WDR37: variants seen among roughly 807,000 people sequenced by gnomAD.
The protein encoded by WDR37 is WD repeat domain 37, also known as WD repeat-containing protein 37.
WDR37 carries 19 observed loss-of-function variants against 62.9 expected under a neutral mutation model. That is an observed-to-expected ratio of 0.30 (90% CI 0.21 to 0.44). WDR37 has a LOEUF of 0.44. Among genes scored for constraint, WDR37 ranks in the 20% least tolerant of loss-of-function variants. WDR37 has a pLI of 1.00. For synonymous variants in WDR37, 250 were observed against 260.9 expected (o/e 0.96, Z 0.40); for missense variants, 474 against 657.6 (o/e 0.72, Z 3.05).
intron 11 of WDR37, among the ~76,000 whole-genome samples, chr10:1,117,508 G>A (rs113777799): frequency 0.022 from 3,309 of 152,332 alleles, 74 homozygotes; most frequent in Middle Eastern, 0.044. Context: ...AAATGATTGC[G>A]TTTGAATCGC....
chr10:1,115,135 C>T (rs1835349064), intron 11 of WDR37, among the ~76,000 whole-genome samples: 2 of 151,942 alleles, frequency 1.3e-5, no homozygotes, highest in Non-Finnish European at 2.9e-5. Context: ...GTGGCTCTGC[C>T]TTGTGCCGGG....
chr10:1,069,389 A>ATTTTTTTT (rs377212232), intron 1 of WDR37, among the ~76,000 whole-genome samples: 1 of 95,776 alleles, frequency 1.0e-5, no homozygotes, highest in Non-Finnish European at 1.9e-5. Flanking sequence ...ATATATATAT[A>ATTTTTTTT]TTTTTTTTTT....
At chr10:1,127,559 T>C (rs546568791) in intron 13 of WDR37, among the ~76,000 whole-genome samples, 1 of 152,326 alleles carries the variant, frequency 6.6e-6, no homozygotes, top group Non-Finnish European at 1.5e-5. Flanking sequence ...AAGGGACTGA[T>C]TGAAAATATT....
At position 1,131,167 on chromosome 10, in the gene WDR37, T is replaced by C. The variant is rs1236343091; in HGVS notation, c.*1823T>C. 1 of 152,376 alleles carries C rather than the reference T, an allele frequency of 6.6e-6. No homozygotes were observed. The highest frequency in any genetic ancestry group is 2.4e-5 in the African/African-American group (1 of 41,436). 9.4% of individuals were successfully genotyped at this position (152,376 alleles called of 1,614,324 possible). On this transcript the variant is annotated 3_prime_UTR_variant, in exon 14 of 14. Transcript: ENST00000263150. ...GATGCAGGGCTGTGCTGTGTCCAGA[T>C]GTTGCTGGGGCCTCACTTTTTCTCT...
At position 1,113,950 on chromosome 10, in the gene WDR37, C is replaced by CTTTTTTTTT. The variant is rs56654628; in HGVS notation, c.1103+8698_1103+8706dup. On this transcript the variant is annotated intron_variant, in intron 11 of 13. Coordinates refer to ENST00000263150, the MANE Select transcript of WDR37 (RefSeq NM_014023.4). Reference sequence around the variant, plus strand: ...TGAGGTTCAATTGTGGGTAAAATGCCTTTTTTTTTTTTTTTTTTTTTTTAA... The same window carrying CTTTTTTTTT: ...TGAGGTTCAATTGTGGGTAAAATGCCTTTTTTTTTTTTTTTTTTTTTTTTTTTTTTTTAA... Among the ~76,000 whole-genome samples, 51 of 76,196 alleles carry CTTTTTTTTT rather than the reference C, an allele frequency of 6.7e-4. 9 individuals carry two copies. Among genetic ancestry groups the CTTTTTTTTT allele is most frequent in the East Asian group, 9.6e-4 (2 of 2,078 alleles). 50.0% of individuals were successfully genotyped at this position (76,196 alleles called of 152,430 possible). A position where few individuals can be genotyped will look rare whatever the true frequency, so the allele number is the denominator to read the frequency against.
chr10:1,088,830 T>C (rs948120553), intron 7 of WDR37, among the ~76,000 whole-genome samples: 1 of 152,160 alleles, frequency 6.6e-6, no homozygotes. Context: ...AACCCTCAAT[T>C]TGTAAAAAAT....
At chr10:1,112,507 C>A (rs1835249062) in intron 11 of WDR37, among the ~76,000 whole-genome samples, 1 of 152,194 alleles carries the variant, frequency 6.6e-6, no homozygotes, top group Non-Finnish European at 1.5e-5. Flanking sequence ...GTGTCCCTCA[C>A]TTGAAAGCTG....
At chr10:1,124,656 C>CTG (rs1835682403) in intron 12 of WDR37, among the ~76,000 whole-genome samples, 1 of 58,334 alleles carries the variant, frequency 1.7e-5, no homozygotes, top group African/African-American at 6.0e-5. Flanking sequence ...TACCATTGAG[C>CTG]AGTGTGTGTG....
rs150036614 is a variant in WDR37 at position 1,072,466 on chromosome 10, C to T, written c.138+173C>T. On this transcript the variant is annotated intron_variant, in intron 2 of 13. Transcript: ENST00000263150. ...AGTAGCTGGGATTAGAGGCATGTGC[C>T]ACCATGCCCGGCTGATTTTGTATTT... Among the ~76,000 whole-genome samples the T allele has an allele frequency of 4.9e-4, 75 of 152,294 alleles. No individual in the cohort carries two copies. The East Asian group carries it at 0.012, about 24-fold the overall frequency.
chr10:1,084,556 C>T lies in WDR37; in HGVS notation c.532+18C>T. The stretch of plus-strand genomic sequence containing the variant: ...ATCAGCCGGTGAGTCGCACACGGAC[C>T]TGGCCAGCCTGCGGAAGCATGGCTG... On this transcript the variant is annotated intron_variant, in intron 6 of 13. Transcript: ENST00000263150. 3 of 1,607,168 alleles carry T rather than the reference C, an allele frequency of 1.9e-6. No individual in the cohort carries two copies. Among genetic ancestry groups the T allele is most frequent in the African/African-American group, 1.3e-5 (1 of 74,746 alleles).
At chr10:1,065,547 A>G (rs191346392) in intron 1 of WDR37, among the ~76,000 whole-genome samples, 37 of 152,266 alleles carry the variant, frequency 2.4e-4, no homozygotes, top group African/African-American at 7.0e-4. Flanking sequence ...GGTTGGATCA[A>G]TGTTTGAAAG....
At chr10:1,095,763 C>G (rs996679771) in intron 8 of WDR37, among the ~76,000 whole-genome samples, 1 of 152,168 alleles carries the variant, frequency 6.6e-6, no homozygotes, top group Non-Finnish European at 1.5e-5. Context: ...CATTGAAAGG[C>G]CGCGTGTGTG....
At chr10:1,111,379 A>G (rs1259874671) in intron 11 of WDR37, among the ~76,000 whole-genome samples, 1 of 152,052 alleles carries the variant, frequency 6.6e-6, no homozygotes, top group Non-Finnish European at 1.5e-5. Context: ...TCCAGGAGAG[A>G]TTTTTCCCCA....
chr10:1,116,775 G>A (rs1174448667), intron 11 of WDR37, among the ~76,000 whole-genome samples: 2 of 152,148 alleles, frequency 1.3e-5, no homozygotes, highest in African/African-American at 4.8e-5. Context: ...GTTCAGGGGT[G>A]GTCTTGGGTG....
intron 2 of WDR37, chr10:1,074,279 G>A (rs773493087): frequency 3.9e-5 from 46 of 1,171,242 alleles, no homozygotes; most frequent in Non-Finnish European, 4.8e-5. Flanking sequence ...TCTCCTGCCT[G>A]GGGTGAAAGT....
At chr10:1,107,997 G>T (rs563987351) in intron 11 of WDR37, among the ~76,000 whole-genome samples, 9 of 152,304 alleles carry the variant, frequency 5.9e-5, no homozygotes, top group African/African-American at 1.7e-4. Context: ...CAGCACTGCT[G>T]TCTCTGTAGA....
chr10:1,099,801 T>A (rs1834729609), intron 9 of WDR37, among the ~76,000 whole-genome samples: 1 of 149,030 alleles, frequency 6.7e-6, no homozygotes, highest in African/African-American at 2.5e-5. Context: ...CTTAGGAAAT[T>A]CAAAATGTGC....
chr10:1,114,223 C>T (rs1564511345), intron 11 of WDR37, among the ~76,000 whole-genome samples: 2 of 152,194 alleles, frequency 1.3e-5, no homozygotes, highest in Non-Finnish European at 2.9e-5. Context: ...TCCCAAAGTG[C>T]TGGGATTACA....
At chr10:1,068,920 AAAG>A (rs1833637055) in intron 1 of WDR37, among the ~76,000 whole-genome samples, 1 of 152,238 alleles carries the variant, frequency 6.6e-6, no homozygotes, top group African/African-American at 2.4e-5. Context: ...GTGCTAAGTG[AAAG>A]AAGCTGGTTG....
Sources: gnomAD v4.1 joint callset for allele counts (sites outside exome capture counted in the v4.1 genomes callset) on GRCh38, gnomAD v4.1.1 for gene constraint, MANE v1.5 for transcripts, NCBI Gene and HGNC (gene_info 2026-07-23, HGNC 2026-07-21) for gene names.